UBB: variants seen among roughly 807,000 people sequenced by gnomAD.
UBB encodes the protein ubiquitin B.
In UBB, 11 loss-of-function variants were observed where a neutral mutation model predicts 12.5. That is an observed-to-expected ratio of 0.88 (90% CI 0.55 to 1.45). The LOEUF is 1.45. UBB is among the 40% of genes most tolerant of loss of function. The pLI, the probability that UBB is intolerant of heterozygous loss-of-function variation, is 0.00. For synonymous variants in UBB, 168 were observed against 120.1 expected (o/e 1.40, Z -2.61); for missense variants, 76 against 286.9 (o/e 0.26, Z 5.31).
chr17:16,382,333 C>T lies in UBB; in HGVS notation c.426C>T (p.Thr142=), dbSNP rs148184773. The T allele has an allele frequency of 1.2e-6, 2 of 1,603,056 alleles. No individual in the cohort carries two copies. Among genetic ancestry groups the T allele is most frequent in the Non-Finnish European group, 8.5e-7 (1 of 1,177,152 alleles). ...ACTACAACATCCAGAAGGAGTCGAC[C>T]CTGCACCTGGTCCTGCGTCTGAGAG... ...LSDYNIQKES[T]LHLVLRLRGG... The change falls in exon 2 of 2, where the codon ACC becomes ACT. Residue 142 remains threonine, a synonymous_variant. Transcript: ENST00000302182.
At position 16,382,114 on chromosome 17, in the gene UBB, G is replaced by A. The variant is rs377358152; in HGVS notation, c.207G>A (p.Leu69=). The change falls in exon 2 of 2, where the codon CTG becomes CTA. Residue 69 remains leucine (L), a synonymous_variant. Transcript: ENST00000302182. The part of the protein sequence containing the change: ...YNIQKESTLH[L]VLRLRGGMQI... Reference sequence around the variant, plus strand: ...TCCAGAAGGAGTCGACCCTGCACCTGGTCCTGCGTCTGAGAGGTGGTATGC... The same window carrying A: ...TCCAGAAGGAGTCGACCCTGCACCTAGTCCTGCGTCTGAGAGGTGGTATGC... The A allele has an allele frequency of 6.3e-7, 1 of 1,599,892 alleles. No individual in the cohort carries two copies. The highest frequency in any genetic ancestry group is 8.5e-7 in the Non-Finnish European group (1 of 1,176,816).
Position 16,382,045 on chromosome 17 carries a change from A to C in UBB, c.138A>C (p.Ala46=), listed in dbSNP as rs1389426437. 2 of 1,612,270 alleles carry C rather than the reference A, an allele frequency of 1.2e-6. No individual in the cohort carries two copies. Among genetic ancestry groups the C allele is most frequent in the East Asian group, 4.5e-5 (2 of 44,744 alleles). Residue 46 remains alanine, a synonymous_variant, in exon 2 of 2, where the codon GCA becomes GCC. Transcript: ENST00000302182. The part of the protein sequence containing the change: ...IPPDQQRLIF[A]GKQLEDGRTL... Reference sequence around the variant, plus strand: ...CCGACCAGCAGAGGCTCATCTTTGCAGGCAAGCAGCTGGAAGATGGCCGTA... The same window carrying C: ...CCGACCAGCAGAGGCTCATCTTTGCCGGCAAGCAGCTGGAAGATGGCCGTA...
chr17:16,382,654 A>G lies in UBB; in HGVS notation c.*57A>G. The G allele has an allele frequency of 1.3e-6, 2 of 1,589,522 alleles. No individual in the cohort carries two copies. Among genetic ancestry groups the G allele is most frequent in the Non-Finnish European group, 1.7e-6 (2 of 1,165,308 alleles). ...GATGGCATTACTCTGCACTATAGCCATTTGCCCCAACTTAAGTTTAGAAAT... is the reference window on the plus strand; with the variant it reads ...GATGGCATTACTCTGCACTATAGCCGTTTGCCCCAACTTAAGTTTAGAAAT... On this transcript the variant is annotated 3_prime_UTR_variant, in exon 2 of 2. Coordinates refer to ENST00000302182, the MANE Select transcript of UBB (RefSeq NM_018955.4).
In UBB at chr17:16,382,252, C is replaced by T. The variant is rs2093278643; in HGVS notation, c.345C>T (p.Asp115=). The T allele has an allele frequency of 1.2e-6, 2 of 1,610,258 alleles. No individual in the cohort carries two copies. The highest frequency in any genetic ancestry group is 1.4e-5 in the African/African-American group (1 of 73,364). The part of the protein sequence containing the change: ...KIQDKEGIPP[D]QQRLIFAGKQ... The stretch of plus-strand genomic sequence containing the variant: ...AGGATAAAGAAGGCATCCCTCCCGA[C>T]CAGCAGAGGCTCATCTTTGCAGGCA... The change falls in exon 2 of 2, where the codon GAC becomes GAT. Residue 115 remains aspartate (D), a synonymous_variant. Transcript: ENST00000302182.
chr17:16,382,609 T>C lies in UBB; in HGVS notation c.*12T>C, dbSNP rs2093280338. 1 of 1,613,770 alleles carries C rather than the reference T, an allele frequency of 6.2e-7. No individual in the cohort carries two copies. Among genetic ancestry groups the C allele is most frequent in the Non-Finnish European group, 8.5e-7 (1 of 1,179,832 alleles). On this transcript the variant is annotated 3_prime_UTR_variant, in exon 2 of 2. Transcript: ENST00000302182. ...GGGGTGGCTGTTAATTCTTCAGTCA[T>C]GGCATTCGCAGTGCCCAGTGATGGC...
chr17:16,381,914 A>T lies in UBB; in HGVS notation c.7A>T (p.Ile3Phe). 6.2e-7 allele frequency: 1 copy of T among 1,614,226 alleles called. No homozygotes were observed. The highest frequency in any genetic ancestry group is 1.1e-5 in the South Asian group (1 of 91,086). The change falls in exon 2 of 2, where the codon ATC (isoleucine) becomes TTC (phenylalanine). Residue 3 changes from isoleucine to phenylalanine, a missense_variant. Coordinates refer to ENST00000302182, the MANE Select transcript of UBB (RefSeq NM_018955.4). ...ACTTTTAAACTAGGTCAAAATGCAGATCTTCGTGAAAACCCTTACCGGCAA... is the reference window on the plus strand; with the variant it reads ...ACTTTTAAACTAGGTCAAAATGCAGTTCTTCGTGAAAACCCTTACCGGCAA... Reference protein sequence around the residue: MQIFVKTLTGKTI... With the variant: MQFFVKTLTGKTI...
In UBB at chr17:16,382,669, A is replaced by C. The variant is rs1429067041; in HGVS notation, c.*72A>C. The C allele has an allele frequency of 1.7e-5, 26 of 1,561,228 alleles. No homozygotes were observed. The highest frequency in any genetic ancestry group is 2.7e-5 in the African/African-American group (2 of 73,162). On this transcript the variant is annotated 3_prime_UTR_variant, in exon 2 of 2. Coordinates refer to ENST00000302182, the MANE Select transcript of UBB (RefSeq NM_018955.4). The stretch of plus-strand genomic sequence containing the variant: ...CACTATAGCCATTTGCCCCAACTTA[A>C]GTTTAGAAATTACAAGTTTCAGTAA...
At position 16,382,476 on chromosome 17, in the gene UBB, C is replaced by T; in HGVS notation, c.569C>T (p.Pro190Leu). The T allele has an allele frequency of 6.2e-7, 1 of 1,612,736 alleles. No individual in the cohort carries two copies. The highest frequency in any genetic ancestry group is 8.5e-7 in the Non-Finnish European group (1 of 1,179,716). ...ATCCAAGATAAAGAAGGCATCCCCCCCGACCAGCAGAGGCTCATCTTTGCA... is the reference window on the plus strand; with the variant it reads ...ATCCAAGATAAAGAAGGCATCCCCCTCGACCAGCAGAGGCTCATCTTTGCA... The part of the protein sequence containing the change: ...AKIQDKEGIP[P>L]DQQRLIFAGK... The change falls in exon 2 of 2, where the codon CCC becomes CTC. Residue 190 changes from proline (P) to leucine (L), a missense_variant. Transcript: ENST00000302182.
In UBB at chr17:16,381,666, G is replaced by A. The variant is rs529575438; in HGVS notation, c.-6-236G>A. ...ATATCCGGAACAGTTAGTGGGGAAA[G>A]CTGTGGACGCTTGGTAAGAGAGCGC... On this transcript the variant is annotated intron_variant, in intron 1 of 1. Transcript: ENST00000302182. 2.2e-5 allele frequency: 13 copies of A among 595,574 alleles called. No homozygotes were observed. The African/African-American group carries it at 2.4e-4, about 11-fold the overall frequency. The allele number at this position is 595,574 out of a possible 1,614,324, so 36.9% of individuals were successfully genotyped here. A position where few individuals can be genotyped will look rare whatever the true frequency, so the allele number is the denominator to read the frequency against.
Position 16,381,888 on chromosome 17 carries a change from T to A in UBB, c.-6-14T>A. 6.2e-7 allele frequency: 1 copy of A among 1,613,488 alleles called. No homozygotes were observed. The highest frequency in any genetic ancestry group is 8.5e-7 in the Non-Finnish European group (1 of 1,179,592). On this transcript the variant is annotated splice_polypyrimidine_tract_variant and intron_variant, in intron 1 of 1. Transcript: ENST00000302182. Reference sequence around the variant, plus strand: ...ATCCTGAGGTGACACGCTTATGTTTTACTTTTAAACTAGGTCAAAATGCAG... The same window carrying A: ...ATCCTGAGGTGACACGCTTATGTTTAACTTTTAAACTAGGTCAAAATGCAG...
At position 16,382,450 on chromosome 17, in the gene UBB, G is replaced by T; in HGVS notation, c.543G>T (p.Lys181Asn). 6.2e-7 allele frequency: 1 copy of T among 1,609,784 alleles called. No homozygotes were observed. Among genetic ancestry groups the T allele is most frequent in the Non-Finnish European group, 8.5e-7 (1 of 1,179,076 alleles). ...ACACCATCGAAAATGTGAAGGCCAA[G>T]ATCCAAGATAAAGAAGGCATCCCCC... Reference protein sequence around the residue: ...PSDTIENVKAKIQDKEGIPPD... With the variant: ...PSDTIENVKANIQDKEGIPPD... Residue 181 changes from lysine to asparagine, a missense_variant, in exon 2 of 2, where the codon AAG becomes AAT. Transcript: ENST00000302182.
intron 1 of UBB, 181 bp from the exon 2 acceptor site, chr17:16,381,721 C>T (rs1340375691): frequency 3.4e-6 from 3 of 884,030 alleles, no homozygotes; most frequent in Non-Finnish European, 3.3e-6. Context: ...ACGTTGAAAC[C>T]TTGAATGACG....
chr17:16,382,568 C>T lies in UBB; in HGVS notation c.661C>T (p.Leu221=), dbSNP rs749221302. The change falls in exon 2 of 2, where the codon CTG becomes TTG. Residue 221 remains leucine, a synonymous_variant. Coordinates refer to ENST00000302182, the MANE Select transcript of UBB (RefSeq NM_018955.4). ...CATCCAGAAAGAGTCGACCCTGCAC[C>T]TGGTCCTGCGCCTGAGGGGTGGCTG... is the stretch of plus-strand genomic sequence containing the variant. The part of the protein sequence containing the change: ...YNIQKESTLH[L]VLRLRGGC The T allele has an allele frequency of 6.2e-7, 1 of 1,613,980 alleles. No individual in the cohort carries two copies. The highest frequency in any genetic ancestry group is 8.5e-7 in the Non-Finnish European group (1 of 1,179,878).
rs772605832 is a variant in UBB, at chr17:16,381,916, C to A, written c.9C>A (p.Ile3=). The change falls in exon 2 of 2, where the codon ATC becomes ATA. Residue 3 remains isoleucine, a synonymous_variant. Transcript: ENST00000302182. Reference sequence around the variant, plus strand: ...TTTTAAACTAGGTCAAAATGCAGATCTTCGTGAAAACCCTTACCGGCAAGA... The same window carrying A: ...TTTTAAACTAGGTCAAAATGCAGATATTCGTGAAAACCCTTACCGGCAAGA... The part of the protein sequence containing the change: MQ[I]FVKTLTGKTI... 1 of 1,614,188 alleles carries A rather than the reference C, an allele frequency of 6.2e-7. No homozygotes were observed. Among genetic ancestry groups the A allele is most frequent in the Non-Finnish European group, 8.5e-7 (1 of 1,180,026 alleles).
chr17:16,382,457 G>A lies in UBB; in HGVS notation c.550G>A (p.Asp184Asn). The A allele has an allele frequency of 6.2e-7, 1 of 1,610,318 alleles. No individual in the cohort carries two copies. Among genetic ancestry groups the A allele is most frequent in the African/African-American group, 1.4e-5 (1 of 73,696 alleles). ...CGAAAATGTGAAGGCCAAGATCCAA[G>A]ATAAAGAAGGCATCCCCCCCGACCA... ...TIENVKAKIQ[D>N]KEGIPPDQQR... The change falls in exon 2 of 2, where the codon GAT becomes AAT. Residue 184 changes from aspartate to asparagine, a missense_variant. By Grantham distance (23) the Asp-to-Asn change is conservative. Transcript: ENST00000302182.
At chr17:16,381,865 C>G (rs776172467) in intron 1 of UBB, 37 bp from the exon 2 acceptor site, 4 of 1,607,750 alleles carry the variant, frequency 2.5e-6, no homozygotes, top group Admixed American at 3.4e-5. Flanking sequence ...ATACAATGAT[C>G]CTGAGGTGAC....
chr17:16,382,269 T>C lies in UBB; in HGVS notation c.362T>C (p.Phe121Ser). ...CCTCCCGACCAGCAGAGGCTCATCT[T>C]TGCAGGCAAGCAGCTGGAAGATGGC... Reference protein sequence around the residue: ...GIPPDQQRLIFAGKQLEDGRT... With the variant: ...GIPPDQQRLISAGKQLEDGRT... Residue 121 changes from phenylalanine (F) to serine (S), a missense_variant, in exon 2 of 2, where the codon TTT becomes TCT. By Grantham distance (155) the Phe-to-Ser change is radical. Coordinates refer to ENST00000302182, the MANE Select transcript of UBB (RefSeq NM_018955.4). 1 of 1,608,194 alleles carries C rather than the reference T, an allele frequency of 6.2e-7. No homozygotes were observed. The highest frequency in any genetic ancestry group is 8.5e-7 in the Non-Finnish European group (1 of 1,178,932).
chr17:16,381,087 G>A (rs1233155137), upstream of UBB: 1 of 153,390 alleles, frequency 6.5e-6, no homozygotes, highest in East Asian at 1.9e-4. Context: ...CGCCAGCCCG[G>A]AGCATTTAGG....
chr17:16,381,879 C>G (rs750592437), intron 1 of UBB, 23 bp from the exon 2 acceptor site: 2 of 1,612,382 alleles, frequency 1.2e-6, no homozygotes, highest in African/African-American at 2.7e-5. Context: ...AGGTGACACG[C>G]TTATGTTTTA....
Sources: gnomAD v4.1 joint callset for allele counts on GRCh38, gnomAD v4.1.1 for gene constraint, MANE v1.5 for transcripts, NCBI Gene and HGNC (gene_info 2026-07-23, HGNC 2026-07-21) for gene names.